The following RAB3C variants were observed in gnomAD, a reference collection of about 807,000 sequenced individuals.
The protein encoded by RAB3C is RAB3C, member RAS oncogene family.
Under a neutral mutation model 26.4 loss-of-function variants are expected in RAB3C, and 17 were observed. The ratio of observed to expected loss-of-function variants is 0.64; its 90% CI spans 0.44 to 0.97. The LOEUF (loss-of-function observed/expected upper bound fraction) is 0.97, where lower values mean the gene tolerates loss of function less well. Ranked by LOEUF, RAB3C falls within the 50% of genes least tolerant of loss-of-function variation. The probability of loss-of-function intolerance (pLI) is 0.00; values close to 1 mark genes in which losing one functional copy is unlikely to be tolerated. For synonymous variants in RAB3C, 91 were observed against 95.9 expected (o/e 0.95, Z 0.30); for missense variants, 242 against 281.9 (o/e 0.86, Z 1.01).
chr5:58,848,415 T>C (rs1436024402), intron 4 of RAB3C: 2 of 152,226 alleles, frequency 1.3e-5, no homozygotes, highest in African/African-American at 4.8e-5. Flanking sequence ...AATGGTAGCT[T>C]ACTTTTTCAG....
At chr5:58,686,465 C>G (rs1247427087) in intron 2 of RAB3C, among the ~76,000 whole-genome samples, 2 of 151,980 alleles carry the variant, frequency 1.3e-5, no homozygotes, top group African/African-American at 4.8e-5. Flanking sequence ...TCACTTTATT[C>G]CAGATTTCCT....
At chr5:58,701,578 T>C (rs1262914612) in intron 2 of RAB3C, among the ~76,000 whole-genome samples, 1 of 152,124 alleles carries the variant, frequency 6.6e-6, no homozygotes, top group East Asian at 1.9e-4. Flanking sequence ...CAAAAATGTA[T>C]TATCTTACAG....
chr5:58,693,274 ATAAAGTTAT>A lies in RAB3C; in HGVS notation c.253-32727_253-32719del, dbSNP rs1232629583. ...ATTTAATTATATAAATATAATTAAG[ATAAAGTTAT>A]AATTATATAAATTTAATTATATAAA... is the stretch of plus-strand genomic sequence containing the variant. On this transcript the variant is annotated intron_variant, in intron 2 of 4. Transcript: ENST00000282878. 1.7e-3 allele frequency among the ~76,000 whole-genome samples: 253 copies of A among 144,872 alleles called. 1 individual carries two copies. Among genetic ancestry groups the A allele is most frequent in the African/African-American group, 5.8e-3 (230 of 39,750 alleles).
At chr5:58,590,535 A>T (rs1044246296) in intron 1 of RAB3C, among the ~76,000 whole-genome samples, 8 of 151,616 alleles carry the variant, frequency 5.3e-5, no homozygotes, top group African/African-American at 1.9e-4. Context: ...TGGTTCACTT[A>T]TTTATTTATT....
intron 1 of RAB3C, among the ~76,000 whole-genome samples, chr5:58,608,710 A>G (rs895275456): frequency 6.6e-6 from 1 of 152,202 alleles, no homozygotes; most frequent in African/African-American, 2.4e-5. Context: ...ATGATTATAA[A>G]TCATGCTACT....
In RAB3C at chr5:58,757,350, C is replaced by A. The variant is rs1741694356; in HGVS notation, c.371+31230C>A. ...TTTAAGTGCCATGTCTCTTTACCCA[C>A]TTTCAATAGGGAATACTTCTACAAC... On this transcript the variant is annotated intron_variant, in intron 3 of 4. Transcript: ENST00000282878. Among the ~76,000 whole-genome samples, 5 of 151,390 alleles carry A rather than the reference C, an allele frequency of 3.3e-5. No individual in the cohort carries two copies. The South Asian group carries it at 1.1e-3, about 32-fold the overall frequency.
At chr5:58,721,513 C>T (rs1740765741) in intron 2 of RAB3C, among the ~76,000 whole-genome samples, 1 of 151,730 alleles carries the variant, frequency 6.6e-6, no homozygotes, top group Non-Finnish European at 1.5e-5. Context: ...TTACCTGAGA[C>T]TGTTCAAGTT....
intron 2 of RAB3C, among the ~76,000 whole-genome samples, chr5:58,657,787 T>G (rs1420850716): frequency 6.6e-6 from 1 of 152,120 alleles, no homozygotes; most frequent in Non-Finnish European, 1.5e-5. Flanking sequence ...ACTTTTATTC[T>G]GTTTTTCTCT....
intron 2 of RAB3C, among the ~76,000 whole-genome samples, chr5:58,676,614 TG>T (rs1748233388): frequency 6.6e-6 from 1 of 151,496 alleles, no homozygotes; most frequent in Non-Finnish European, 1.5e-5. Context: ...GTAGGGGAGG[TG>T]GGTTGGTCTT....
intron 2 of RAB3C, among the ~76,000 whole-genome samples, chr5:58,722,249 T>C (rs951431282): frequency 2.0e-5 from 3 of 151,806 alleles, no homozygotes; most frequent in African/African-American, 4.8e-5. Context: ...GTGTCTGTGC[T>C]GAAAACATGC....
chr5:58,751,193 A>G (rs1481817987), intron 3 of RAB3C, among the ~76,000 whole-genome samples: 3 of 152,198 alleles, frequency 2.0e-5, no homozygotes, highest in Admixed American at 1.3e-4. Context: ...CTGTTTTTAC[A>G]TCTGCTACTA....
intron 2 of RAB3C, among the ~76,000 whole-genome samples, chr5:58,683,491 T>C (rs1748387187): frequency 6.6e-6 from 1 of 152,178 alleles, no homozygotes; most frequent in Non-Finnish European, 1.5e-5. Flanking sequence ...ACAGGAATGA[T>C]GTATTGGTTT....
At position 58,797,365 on chromosome 5, in the gene RAB3C, T is replaced by TA. The variant is rs1412239355; in HGVS notation, c.372-27672dup. ...AAAAAAAAAAAAAAATATGTATATA[T>TA]ATAATATATATATATATATATATAT... On this transcript the variant is annotated intron_variant, in intron 3 of 4. Transcript: ENST00000282878. Among the ~76,000 whole-genome samples the TA allele has an allele frequency of 1.2e-4, 4 of 32,508 alleles. No homozygotes were observed. The East Asian group carries it at 2.2e-3, about 18-fold the overall frequency. The allele number at this position is 32,508 out of a possible 152,430, so 21.3% of individuals were successfully genotyped here.
At chr5:58,804,028 C>A (rs1441111775) in intron 3 of RAB3C, among the ~76,000 whole-genome samples, 1 of 151,184 alleles carries the variant, frequency 6.6e-6, no homozygotes, top group Non-Finnish European at 1.5e-5. Context: ...CCATTGCACT[C>A]CAGCCCAGGT....
At chr5:58,801,228 C>T (rs1327618305) in intron 3 of RAB3C, among the ~76,000 whole-genome samples, 2 of 152,168 alleles carry the variant, frequency 1.3e-5, no homozygotes, top group African/African-American at 2.4e-5. Context: ...AGGCTAGGAC[C>T]AGAAGTCTCA....
intron 2 of RAB3C, among the ~76,000 whole-genome samples, chr5:58,640,654 G>A (rs1747396053): frequency 6.6e-6 from 1 of 152,092 alleles, no homozygotes; most frequent in Admixed American, 6.6e-5. Context: ...TGAAATATCT[G>A]ACCCTAAAAA....
chr5:58,796,077 A>G (rs944466890), intron 3 of RAB3C, among the ~76,000 whole-genome samples: 21 of 152,158 alleles, frequency 1.4e-4, no homozygotes, highest in Admixed American at 2.6e-4. Flanking sequence ...CCAACAGATG[A>G]CCTTTCCCTG....
At chr5:58,715,430 T>TA (rs1749149920) in intron 2 of RAB3C, among the ~76,000 whole-genome samples, 1 of 152,070 alleles carries the variant, frequency 6.6e-6, no homozygotes, top group African/African-American at 2.4e-5. Flanking sequence ...ATTGTATCTT[T>TA]AAAAGTACGG....
At chr5:58,644,127 A>G (rs1449574921) in intron 2 of RAB3C, among the ~76,000 whole-genome samples, 1 of 152,170 alleles carries the variant, frequency 6.6e-6, no homozygotes, top group Non-Finnish European at 1.5e-5. Flanking sequence ...GCCGAGCAAT[A>G]CTGGTTTTAT....
Sources: gnomAD v4.1 joint callset for allele counts (sites outside exome capture counted in the v4.1 genomes callset) on GRCh38, gnomAD v4.1.1 for gene constraint, MANE v1.5 for transcripts, NCBI Gene and HGNC (gene_info 2026-07-23, HGNC 2026-07-21) for gene names.